The following HEXD variants were observed in gnomAD, a reference collection of about 807,000 sequenced individuals.
HEXD encodes N-acetyl-beta-galactosaminidase.
A neutral mutation model predicts 54.2 loss-of-function variants in HEXD; 47 were observed. That is an observed-to-expected ratio of 0.87 (90% CI 0.69 to 1.11). The LOEUF (loss-of-function observed/expected upper bound fraction) is 1.11, where lower values mean the gene tolerates loss of function less well. HEXD is among the 50% of genes least tolerant of loss of function. The pLI, the probability that HEXD is intolerant of heterozygous loss-of-function variation, is 0.00. For synonymous variants in HEXD, 293 were observed against 287.6 expected (o/e 1.02, Z -0.19); for missense variants, 576 against 649.2 (o/e 0.89, Z 1.23).
chr17:82,440,377 T>C, intron 9 of HEXD: 1 of 1,148,800 alleles, frequency 8.7e-7, no homozygotes, highest in Non-Finnish European at 1.1e-6. Context: ...TCTCAGTTGC[T>C]GACTCTCAAC....
At chr17:82,439,923 A>C (rs1226263866) in intron 9 of HEXD, 1 of 1,521,846 alleles carries the variant, frequency 6.6e-7, no homozygotes, top group Non-Finnish European at 8.8e-7. Context: ...GCCTAAGCCC[A>C]AAGCAGGCTG....
rs755108165 is a variant in HEXD at position 82,440,112 on chromosome 17, TC to T, written c.982+401del. The stretch of plus-strand genomic sequence containing the variant: ...GCACCCTGGACCCAGCACTCACACT[TC>T]CAGGTCTCCTGAGGGAGCAGCGGGA... On this transcript the variant is annotated intron_variant, in intron 9 of 12. Coordinates refer to ENST00000327949, the MANE Select transcript of HEXD (RefSeq NM_001330542.2). 5.1e-3 allele frequency: 6,614 copies of T among 1,295,942 alleles called. 27 individuals carry two copies. The highest frequency in any genetic ancestry group is 6.3e-3 in the Non-Finnish European group (6,298 of 993,496). The allele number at this position is 1,295,942 out of a possible 1,614,324, so 80.3% of individuals were successfully genotyped here.
At position 82,433,128 on chromosome 17, in the gene HEXD, ATTTTTTTTTTTTTTT is replaced by A. The variant is rs758489285; in HGVS notation, c.283-528_283-514del. ...TATATATATATATATATATATATATATTTTTTTTTTTTTTTTATATATATATTTTTAGTCTGGGCG... is the reference window on the plus strand; with the variant it reads ...TATATATATATATATATATATATATATATATATATATTTTTAGTCTGGGCG... On this transcript the variant is annotated intron_variant, in intron 4 of 12. Transcript: ENST00000327949. Among the ~76,000 whole-genome samples the A allele has an allele frequency of 7.1e-3, 92 of 13,040 alleles. 4 individuals carry two copies. Among genetic ancestry groups the A allele is most frequent in the African/African-American group, 0.021 (54 of 2,624 alleles). 8.6% of individuals were successfully genotyped at this position (13,040 alleles called of 152,430 possible).
rs778285458 is a variant in HEXD, at chr17:82,437,147, C to T, written c.704-21C>T. On this transcript the variant is annotated intron_variant, in intron 7 of 12. Coordinates refer to ENST00000327949, the MANE Select transcript of HEXD (RefSeq NM_001330542.2). The stretch of plus-strand genomic sequence containing the variant: ...TGGCCGCCTCCCCTGGAGCCACTCA[C>T]CTGTTTGCTTTCTCACCCAGTCCTC... The T allele has an allele frequency of 1.9e-6, 3 of 1,560,596 alleles. No individual in the cohort carries two copies. In the Admixed American group the frequency reaches 5.3e-5, roughly 28 times the overall value.
chr17:82,439,419 T>G (rs962615811), intron 8 of HEXD: 13 of 985,116 alleles, frequency 1.3e-5, no homozygotes, highest in Non-Finnish European at 2.4e-6. Context: ...TCTTCACTTG[T>G]CCGGTTTCTA....
At position 82,442,227 on chromosome 17, in the gene HEXD, A is replaced by T. The variant is rs759393515; in HGVS notation, c.1304A>T (p.Gln435Leu). 1 of 1,605,390 alleles carries T rather than the reference A, an allele frequency of 6.2e-7. No homozygotes were observed. Among genetic ancestry groups the T allele is most frequent in the Non-Finnish European group, 8.5e-7 (1 of 1,179,786 alleles). ...TLVQELEAAL[Q>L]LAFYPDAVEE... The stretch of plus-strand genomic sequence containing the variant: ...GTGCAGGAGCTGGAGGCTGCCCTGC[A>T]GCTGGCTTTCTACCCGGATGCCGTG... The change falls in exon 13 of 13, where the codon CAG becomes CTG. Residue 435 changes from glutamine to leucine, a missense_variant. Gln to Leu is a moderately radical substitution (Grantham distance 113, BLOSUM62 -2). Coordinates refer to ENST00000327949, the MANE Select transcript of HEXD (RefSeq NM_001330542.2). The surrounding 1 kb of genome is among the most constrained non-coding windows in gnomAD (Gnocchi z 6.8).
chr17:82,433,623 C>T, intron 4 of HEXD, 35 bp from the exon 5 acceptor site: 1 of 1,510,596 alleles, frequency 6.6e-7, no homozygotes, highest in Non-Finnish European at 8.8e-7. Context: ...TCCAGCTCCT[C>T]CGCCCCCAAC....
At chr17:82,440,376 C>A in intron 9 of HEXD, 2 of 1,148,682 alleles carry the variant, frequency 1.7e-6, no homozygotes, top group Non-Finnish European at 2.2e-6. Flanking sequence ...TTCTCAGTTG[C>A]TGACTCTCAA....
intron 8 of HEXD, among the ~76,000 whole-genome samples, chr17:82,438,030 A>T (rs1203015397): frequency 6.6e-6 from 1 of 152,122 alleles, no homozygotes; most frequent in East Asian, 1.9e-4. Flanking sequence ...TGAGGTCCAG[A>T]GTTCGTGACC....
In HEXD at chr17:82,418,447, C is replaced by T. The variant is rs1567878617; in HGVS notation, c.-345C>T. On this transcript the variant is annotated 5_prime_UTR_variant, in exon 1 of 13. Transcript: ENST00000327949. The stretch of plus-strand genomic sequence containing the variant: ...TCCGGCGCTCGGCCGCTCCGTTGCC[C>T]TCGGGCGCCTTGGTTGCGGCCCTCC... The T allele has an allele frequency of 2.7e-6, 4 of 1,477,194 alleles. No homozygotes were observed. Among genetic ancestry groups the T allele is most frequent in the Non-Finnish European group, 3.6e-6 (4 of 1,120,026 alleles). The allele number at this position is 1,477,194 out of a possible 1,614,324, so 91.5% of individuals were successfully genotyped here.
chr17:82,429,857 G>GTCTTCC (rs924059606), intron 4 of HEXD, among the ~76,000 whole-genome samples: 4 of 151,844 alleles, frequency 2.6e-5, no homozygotes, highest in Non-Finnish European at 2.9e-5. Flanking sequence ...CCTCCTCTTC[G>GTCTTCC]TCTTCCTCTT....
intron 5 of HEXD, 91 bp downstream of exon 5, chr17:82,433,913 T>C (rs2053683425): frequency 2.5e-6 from 3 of 1,192,106 alleles, no homozygotes; most frequent in Non-Finnish European, 3.5e-6. Flanking sequence ...CACTGAGGCC[T>C]AGAGACAGGC....
rs779760440 is a variant in HEXD, at chr17:82,428,528, AC to A, written c.195-27del. The A allele has an allele frequency of 1.7e-3, 2,794 of 1,600,380 alleles. 3 individuals carry two copies. The highest frequency in any genetic ancestry group is 2.2e-3 in the Middle Eastern group (13 of 5,900). ...GTGGAAGTCACGTGCTGCTCACATGACCCTCTCTCTATGAATTTTGTCTCTC... is the reference window on the plus strand; with the variant it reads ...GTGGAAGTCACGTGCTGCTCACATGACCTCTCTCTATGAATTTTGTCTCTC... On this transcript the variant is annotated intron_variant, in intron 3 of 12. Transcript: ENST00000327949.
At chr17:82,435,121 A>T (rs542333456) in intron 5 of HEXD, among the ~76,000 whole-genome samples, 57 of 152,372 alleles carry the variant, frequency 3.7e-4, no homozygotes, top group Non-Finnish European at 6.8e-4. Context: ...ACTGCACTCC[A>T]GCCTGGGCAA....
chr17:82,424,124 C>T (rs1050414073), intron 2 of HEXD, among the ~76,000 whole-genome samples: 6 of 152,196 alleles, frequency 3.9e-5, no homozygotes, highest in African/African-American at 1.4e-4. Flanking sequence ...TGGCCGGACC[C>T]GTCCCTCCCA....
chr17:82,423,512 A>G (rs2143397912), intron 2 of HEXD: 1 of 152,320 alleles, frequency 6.6e-6, no homozygotes, highest in Admixed American at 6.6e-5. Flanking sequence ...GTGAGACCCC[A>G]TCTGTTAAAA....
chr17:82,433,128 ATTTTTTTTT>A (rs758489285), intron 4 of HEXD, among the ~76,000 whole-genome samples: 485 of 12,966 alleles, frequency 0.037, 64 homozygotes, highest in East Asian at 0.083. Flanking sequence ...ATATATATAT[ATTTTTTTTT>A]TTTTTTTATA....
chr17:82,440,070 C>T (rs1021278208), intron 9 of HEXD: 4 of 1,297,426 alleles, frequency 3.1e-6, no homozygotes, highest in African/African-American at 1.5e-5. Flanking sequence ...CTCAGGCGCC[C>T]GGCCCTGGAA....
chr17:82,440,708 G>C, intron 9 of HEXD: 1 of 472,960 alleles, frequency 2.1e-6, no homozygotes, highest in Non-Finnish European at 3.8e-6. Context: ...GTCGGGCTGC[G>C]CCCAGCAGGA....
Sources: allele counts gnomAD v4.1 joint callset (sites outside exome capture counted in the v4.1 genomes callset), GRCh38; gene constraint gnomAD v4.1.1; non-coding constraint Gnocchi (gnomAD v3.1); transcripts MANE v1.5; gene names NCBI Gene and HGNC (gene_info 2026-07-23, HGNC 2026-07-21).